Variants in CFAP299 observed in about 807,000 individuals in gnomAD.
CFAP299 encodes cilia and flagella associated protein 299.
Under a neutral mutation model 27.0 loss-of-function variants are expected in CFAP299, and 21 were observed. The ratio of observed to expected loss-of-function variants is 0.78; its 90% CI spans 0.55 to 1.12. The LOEUF (loss-of-function observed/expected upper bound fraction) is 1.12. CFAP299 is among the 50% of genes most tolerant of loss of function. The probability of loss-of-function intolerance (pLI) is 0.00; values close to 1 mark genes in which losing one functional copy is unlikely to be tolerated. For synonymous variants in CFAP299, 104 were observed against 98.1 expected (o/e 1.06, Z -0.36); for missense variants, 310 against 276.6 (o/e 1.12, Z -0.86).
chr4:80,377,178 T>C (rs1175627031), intron 2 of CFAP299, among the ~76,000 whole-genome samples: 1 of 152,136 alleles, frequency 6.6e-6, no homozygotes, highest in Admixed American at 6.5e-5. Context: ...GCGTGTCCTA[T>C]GTAAGAATTA....
intron 2 of CFAP299, among the ~76,000 whole-genome samples, chr4:80,440,130 G>A (rs1037818323): frequency 1.3e-5 from 2 of 152,194 alleles, no homozygotes; most frequent in African/African-American, 4.8e-5. Flanking sequence ...CACAGCTTCA[G>A]CAGACTTAAA....
At chr4:80,487,892 GTGATAGATGGAAAAGTAATGATGGT>G (rs1730907715) in intron 2 of CFAP299, among the ~76,000 whole-genome samples, 1 of 152,156 alleles carries the variant, frequency 6.6e-6, no homozygotes, top group Admixed American at 6.5e-5. Flanking sequence ...ATGGGAATAT[GTGATAGATGGAAAAGTAATGATGGT>G]TCAGTACCCT....
chr4:80,811,613 T>C (rs973049762), intron 3 of CFAP299, among the ~76,000 whole-genome samples: 4 of 152,130 alleles, frequency 2.6e-5, no homozygotes, highest in Admixed American at 6.6e-5. Context: ...CACAAATTTG[T>C]GGCCACTCAG....
chr4:80,352,321 A>C (rs534480994), intron 1 of CFAP299, among the ~76,000 whole-genome samples: 1 of 152,256 alleles, frequency 6.6e-6, no homozygotes, highest in East Asian at 1.9e-4. Flanking sequence ...TAATCCCAGC[A>C]CTTTGGGAGG....
At chr4:80,387,705 G>A in intron 2 of CFAP299, 16 of 1,578,830 alleles carry the variant, frequency 1.0e-5, no homozygotes, top group East Asian at 2.2e-5. Context: ...CACATGCAAT[G>A]CATTGGAAGG....
intron 2 of CFAP299, among the ~76,000 whole-genome samples, chr4:80,406,569 T>C (rs1726434211): frequency 6.6e-6 from 1 of 152,130 alleles, no homozygotes; most frequent in Non-Finnish European, 1.5e-5. Context: ...TCTCACCATA[T>C]TTCCCAGGCT....
At chr4:80,913,600 C>A (rs748649987) in intron 4 of CFAP299, among the ~76,000 whole-genome samples, 2 of 152,096 alleles carry the variant, frequency 1.3e-5, no homozygotes, top group Non-Finnish European at 2.9e-5. Context: ...CAAGAGGCTT[C>A]GCGATTTTGG....
At position 80,395,410 on chromosome 4, in the gene CFAP299, A is replaced by G. The variant is rs542782870; in HGVS notation, c.242+32526A>G. 6.2e-4 allele frequency among the ~76,000 whole-genome samples: 94 copies of G among 152,158 alleles called. No homozygotes were observed. The South Asian group carries it at 0.019, about 30-fold the overall frequency. On this transcript the variant is annotated intron_variant, in intron 2 of 5. Coordinates refer to ENST00000358105, the MANE Select transcript of CFAP299 (RefSeq NM_152770.3). The stretch of plus-strand genomic sequence containing the variant: ...TTTTGTTATTATTTGTTCTTGCCTA[A>G]TTGCTGTGGCTAAAGCTTCCAGAAG...
Position 80,905,518 on chromosome 4 carries a change from A to G in CFAP299, c.476+35383A>G, listed in dbSNP as rs116801752. Among the ~76,000 whole-genome samples the G allele has an allele frequency of 3.1e-3, 468 of 152,292 alleles. 2 individuals carry two copies. Among genetic ancestry groups the G allele is most frequent in the African/African-American group, 0.011 (449 of 41,568 alleles). On this transcript the variant is annotated intron_variant, in intron 4 of 5. Transcript: ENST00000358105. ...TCAAGACTTGCATACACACAGCAGT[A>G]ATATTCTTAGTGCTTGTATTAGTCA...
chr4:80,390,290 C>T (rs922517310), intron 2 of CFAP299, among the ~76,000 whole-genome samples: 1 of 151,812 alleles, frequency 6.6e-6, no homozygotes, highest in African/African-American at 2.4e-5. Context: ...CCCTACCCCC[C>T]AACCCCCTGG....
intron 1 of CFAP299, among the ~76,000 whole-genome samples, chr4:80,358,761 G>T (rs532558872): frequency 1.3e-5 from 2 of 151,818 alleles, no homozygotes; most frequent in South Asian, 4.1e-4. Context: ...ATGAGTTTTT[G>T]TTCTTTATCT....
chr4:80,751,617 C>G (rs1724930713), intron 3 of CFAP299, among the ~76,000 whole-genome samples: 1 of 152,158 alleles, frequency 6.6e-6, no homozygotes, highest in Non-Finnish European at 1.5e-5. Context: ...TTGCCAAAAT[C>G]CAGCAAGGCA....
rs1443133285 is a variant in CFAP299 at position 80,481,987 on chromosome 4, A to C, written c.243-101106A>C. Among the ~76,000 whole-genome samples, 3 of 151,988 alleles carry C rather than the reference A, an allele frequency of 2.0e-5. No homozygotes were observed. In the East Asian group the frequency reaches 5.8e-4, roughly 29 times the overall value. ...TTTTTGTATTTTTGTATATATAGAA[A>C]ATATGGAAATGCACATGATTTCAGT... On this transcript the variant is annotated intron_variant, in intron 2 of 5. Coordinates refer to ENST00000358105, the MANE Select transcript of CFAP299 (RefSeq NM_152770.3).
At chr4:80,926,431 G>A (rs951241497) in intron 4 of CFAP299, among the ~76,000 whole-genome samples, 1 of 151,952 alleles carries the variant, frequency 6.6e-6, no homozygotes, top group Non-Finnish European at 1.5e-5. Context: ...AGGGGTGGGA[G>A]AGACTGATTG....
chr4:80,644,660 C>T (rs745977293), intron 3 of CFAP299, among the ~76,000 whole-genome samples: 1 of 152,134 alleles, frequency 6.6e-6, no homozygotes, highest in African/African-American at 2.4e-5. Context: ...AAGTCTAATT[C>T]AGATGAGCAG....
intron 5 of CFAP299, among the ~76,000 whole-genome samples, chr4:80,950,143 A>T (rs898833824): frequency 1.1e-4 from 17 of 152,178 alleles, no homozygotes; most frequent in African/African-American, 3.6e-4. Flanking sequence ...AAAGAAAGAG[A>T]GGGAGAAAGA....
chr4:80,429,968 A>G (rs1727726996), intron 2 of CFAP299, among the ~76,000 whole-genome samples: 1 of 152,124 alleles, frequency 6.6e-6, no homozygotes, highest in African/African-American at 2.4e-5. Flanking sequence ...TTTTATGTAT[A>G]CCATCACTCA....
At chr4:80,398,936 A>G (rs1725976989) in intron 2 of CFAP299, among the ~76,000 whole-genome samples, 1 of 152,258 alleles carries the variant, frequency 6.6e-6, no homozygotes, top group Middle Eastern at 3.4e-3. Flanking sequence ...TTTGCAATCT[A>G]CTCATCTGAC....
intron 2 of CFAP299, among the ~76,000 whole-genome samples, chr4:80,394,882 TG>T (rs1560546333): frequency 6.6e-6 from 1 of 152,168 alleles, no homozygotes; most frequent in Admixed American, 6.6e-5. Context: ...TTGCTCTTTT[TG>T]CTCAAGATTT....
Sources: gnomAD v4.1 joint callset for allele counts (sites outside exome capture counted in the v4.1 genomes callset) on GRCh38, gnomAD v4.1.1 for gene constraint, MANE v1.5 for transcripts, NCBI Gene and HGNC (gene_info 2026-07-23, HGNC 2026-07-21) for gene names.